Variants in ZNF106 observed in about 807,000 individuals in gnomAD.
ZNF106 encodes SH3-domain binding protein 3.
A neutral mutation model predicts 195.1 loss-of-function variants in ZNF106; 67 were observed. The ratio of observed to expected loss-of-function variants is 0.34; its 90% confidence interval spans 0.28 to 0.42. The LOEUF is 0.42. Among genes scored for constraint, ZNF106 ranks in the 10% least tolerant of loss-of-function variants. ZNF106 has a pLI of 1.00. For missense variants in ZNF106, 2,118 were observed against 2,304.5 expected, an observed-to-expected ratio of 0.92 and a Z score of 1.66; for synonymous variants, 784 against 818.6, an observed-to-expected ratio of 0.96 and a Z score of 0.72.
chr15:42,428,082 T>C lies in ZNF106; in HGVS notation c.4934A>G (p.His1645Arg). ...CGCATAGAGGATTCGCCATCTACTG[T>C]GGAGGCAGAGGACCCGGTCTTCCAG... is the stretch of plus-strand genomic sequence containing the variant. ...LQLEDRVLCL[H>R]SRWRILYAGL... is the part of the protein sequence containing the mutation. The change falls in exon 15 of 22, where the codon CAC (histidine) becomes CGC (arginine). Residue 1645 changes from histidine (H) to arginine (R), a missense_variant. His to Arg is a conservative substitution (Grantham distance 29). Coordinates refer to ENST00000564754, the MANE Select transcript of ZNF106 (RefSeq NM_001366845.3). 1.2e-6 allele frequency: 2 copies of C among 1,614,182 alleles called. No homozygotes were observed. Among genetic ancestry groups the C allele is most frequent in the Non-Finnish European group, 1.7e-6 (2 of 1,180,022 alleles).
chr15:42,476,719 G>A (rs1052706765), intron 1 of ZNF106, among the ~76,000 whole-genome samples: 2 of 152,064 alleles, frequency 1.3e-5, no homozygotes, highest in African/African-American at 4.8e-5. Flanking sequence ...AGTACACCGA[G>A]GAGGAAGCAG....
intron 3 of ZNF106, among the ~76,000 whole-genome samples, chr15:42,461,911 T>C (rs542244815): frequency 2.0e-5 from 3 of 152,302 alleles, no homozygotes; most frequent in African/African-American, 7.2e-5. Flanking sequence ...ATGCTCCAAG[T>C]CCGTAAACAA....
At chr15:42,434,715 G>A (rs1316508624) in intron 14 of ZNF106, among the ~76,000 whole-genome samples, 1 of 151,572 alleles carries the variant, frequency 6.6e-6, no homozygotes, top group African/African-American at 2.4e-5. Flanking sequence ...AAAACTCTCA[G>A]AGGAGATGTC....
intron 2 of ZNF106, 110 bp from the exon 3 acceptor site, chr15:42,466,224 A>G (rs918769688): frequency 1.4e-6 from 1 of 698,156 alleles, no homozygotes; most frequent in Non-Finnish European, 2.2e-6. Context: ...TTATGTCAAA[A>G]TGTGTTTTTG....
intron 11 of ZNF106, 126 bp from the exon 12 acceptor site, chr15:42,438,793 A>AT: frequency 1.1e-6 from 1 of 940,482 alleles, no homozygotes; most frequent in South Asian, 1.7e-5. Flanking sequence ...AAGAGATTAG[A>AT]TTTTCCATCT....
intron 3 of ZNF106, among the ~76,000 whole-genome samples, chr15:42,461,748 A>T (rs2056396658): frequency 6.6e-6 from 1 of 152,252 alleles, no homozygotes; most frequent in Non-Finnish European, 1.5e-5. Flanking sequence ...ACAACTATAA[A>T]GAGAAAAAGA....
chr15:42,431,456 A>AGCAC (rs1474242157), intron 14 of ZNF106, among the ~76,000 whole-genome samples: 2 of 150,078 alleles, frequency 1.3e-5, no homozygotes, highest in Non-Finnish European at 3.0e-5. Context: ...ACAGTGGTGC[A>AGCAC]AATCTCAGCT....
intron 12 of ZNF106, among the ~76,000 whole-genome samples, 153 bp from the exon 13 acceptor site, chr15:42,437,530 A>G (rs112944645): frequency 3.7e-4 from 57 of 152,320 alleles, no homozygotes; most frequent in Admixed American, 1.4e-3. Context: ...TACAATTTTC[A>G]ATACCCATCT....
At chr15:42,444,717 T>C (rs1350979361) in intron 8 of ZNF106, 110 bp downstream of exon 8, 4 of 1,412,332 alleles carry the variant, frequency 2.8e-6, no homozygotes, top group Non-Finnish European at 3.8e-6. Flanking sequence ...ACTTCCCTTG[T>C]GGAAACTCCC....
chr15:42,487,344 T>G (rs902900013), intron 1 of ZNF106, among the ~76,000 whole-genome samples: 1 of 151,012 alleles, frequency 6.6e-6, no homozygotes, highest in African/African-American at 2.4e-5. Flanking sequence ...ATTAATTAGC[T>G]GGGCATGGTG....
chr15:42,477,814 T>C (rs193084155), intron 1 of ZNF106, among the ~76,000 whole-genome samples: 74 of 151,902 alleles, frequency 4.9e-4, no homozygotes, highest in African/African-American at 1.6e-3. Flanking sequence ...CACTTGAACC[T>C]GAGAGGTGGA....
chr15:42,424,728 C>G, intron 16 of ZNF106, 106 bp downstream of exon 16: 16 of 1,161,962 alleles, frequency 1.4e-5, no homozygotes, highest in African/African-American at 3.1e-5. Context: ...GATCCCCCTG[C>G]CTCACCCTCC....
At chr15:42,461,231 T>G (rs2056385570) in intron 3 of ZNF106, among the ~76,000 whole-genome samples, 1 of 152,254 alleles carries the variant, frequency 6.6e-6, no homozygotes, top group East Asian at 1.9e-4. Flanking sequence ...TAATAGCAAG[T>G]TAATATTTTA....
At chr15:42,447,667 C>A (rs905725621) in intron 6 of ZNF106, among the ~76,000 whole-genome samples, 1 of 152,282 alleles carries the variant, frequency 6.6e-6, no homozygotes, top group Admixed American at 6.5e-5. Flanking sequence ...TAGTGTTAAG[C>A]CTATCACTCC....
At chr15:42,437,153 C>T in intron 13 of ZNF106, 79 bp downstream of exon 13, 2 of 1,474,534 alleles carry the variant, frequency 1.4e-6, no homozygotes, top group South Asian at 2.6e-5. Flanking sequence ...CAACAAATTC[C>T]CTTTATTGTT....
chr15:42,418,852 CTACT>C lies in ZNF106; in HGVS notation c.5518-905_5518-902del, dbSNP rs1466638433. ...ACTTGAATCTCAATCTTATGAATAC[CTACT>C]TATTTTTTTAAGCTATAATTTTACT... On this transcript the variant is annotated intron_variant, in intron 20 of 21. Transcript: ENST00000564754. Among the ~76,000 whole-genome samples, 7 of 151,958 alleles carry C rather than the reference CTACT, an allele frequency of 4.6e-5. No individual in the cohort carries two copies. In the East Asian group the frequency reaches 7.7e-4, roughly 17 times the overall value.
intron 14 of ZNF106, among the ~76,000 whole-genome samples, chr15:42,433,146 C>T (rs1244096933): frequency 6.6e-6 from 1 of 152,102 alleles, no homozygotes; most frequent in Non-Finnish European, 1.5e-5. Context: ...TGCTCTGTCG[C>T]CCAGGCTGGA....
chr15:42,415,633 C>A lies in ZNF106; in HGVS notation c.*1671G>T. The A allele has an allele frequency of 3.0e-6, 1 of 334,192 alleles. No homozygotes were observed. The highest frequency in any genetic ancestry group is 2.4e-5 in the South Asian group (1 of 41,414). 20.7% of individuals were successfully genotyped at this position (334,192 alleles called of 1,614,324 possible). On this transcript the variant is annotated 3_prime_UTR_variant, in exon 22 of 22. Coordinates refer to ENST00000564754, the MANE Select transcript of ZNF106 (RefSeq NM_001366845.3). ...ATATGTGCACTAACAGGGGCGAAGA[C>A]AGACCTGGATGGTCTGCAATCCCAG...
intron 18 of ZNF106, 61 bp from the exon 19 acceptor site, chr15:42,422,049 G>A (rs1349879738): frequency 1.4e-6 from 2 of 1,433,484 alleles, no homozygotes; most frequent in South Asian, 1.4e-5. Context: ...AATAAGTACA[G>A]TCCCTAAAGG....
Sources: gnomAD v4.1 joint callset for allele counts (sites outside exome capture counted in the v4.1 genomes callset) on GRCh38, gnomAD v4.1.1 for gene constraint, MANE v1.5 for transcripts, NCBI Gene and HGNC (gene_info 2026-07-23, HGNC 2026-07-21) for gene names.